The following DNM3 variants were observed in gnomAD, a reference collection of about 807,000 sequenced individuals.
DNM3 encodes dynamin 3.
In DNM3, 47 loss-of-function variants were observed where a neutral mutation model predicts 101.6. The observed-to-expected ratio is 0.46, with a 90% CI of 0.37 to 0.59. The LOEUF (loss-of-function observed/expected upper bound fraction) is 0.59, where lower values mean the gene tolerates loss of function less well. DNM3 is among the 20% of genes least tolerant of loss of function. The probability of loss-of-function intolerance (pLI) is 0.00; values close to 1 mark genes in which losing one functional copy is unlikely to be tolerated. For missense variants in DNM3, 849 were observed against 1,085.7 expected (o/e 0.78, Z 3.06); for synonymous variants, 385 against 387.9 (o/e 0.99, Z 0.09).
chr1:172,092,936 T>C (rs2054011333), intron 13 of DNM3, 61 bp downstream of exon 13: 1 of 1,421,176 alleles, frequency 7.0e-7, no homozygotes, highest in Non-Finnish European at 9.5e-7. Context: ...CTAAATCGCT[T>C]GATTGACTAT....
chr1:172,084,986 C>T (rs892123179), intron 12 of DNM3, among the ~76,000 whole-genome samples: 3 of 152,008 alleles, frequency 2.0e-5, no homozygotes, highest in Non-Finnish European at 4.4e-5. Context: ...ATTCTTCTTT[C>T]TGTTATAGAA....
At chr1:172,289,845 T>A in intron 15 of DNM3, 1 of 981,872 alleles carries the variant, frequency 1.0e-6, no homozygotes, top group Non-Finnish European at 1.2e-6. Context: ...GGTTTTGTTG[T>A]TCTTTCCTAT....
chr1:172,395,852 G>A (rs557457169), intron 20 of DNM3, among the ~76,000 whole-genome samples: 1 of 152,258 alleles, frequency 6.6e-6, no homozygotes, highest in East Asian at 1.9e-4. Context: ...CTGTTGGTGT[G>A]GCCAGTATTT....
intron 14 of DNM3, among the ~76,000 whole-genome samples, chr1:172,166,392 C>G (rs1372371863): frequency 6.6e-6 from 1 of 152,022 alleles, no homozygotes; most frequent in Non-Finnish European, 1.5e-5. Context: ...TACCTCACGA[C>G]ATAAGTTTTA....
At chr1:172,315,403 G>A (rs945540034) in intron 16 of DNM3, among the ~76,000 whole-genome samples, 1 of 152,240 alleles carries the variant, frequency 6.6e-6, no homozygotes, top group African/African-American at 2.4e-5. Context: ...ACTTTGACGA[G>A]TTGAGAGAAG....
At chr1:172,093,185 T>G (rs1416793059) in intron 13 of DNM3, among the ~76,000 whole-genome samples, 3 of 152,166 alleles carry the variant, frequency 2.0e-5, no homozygotes, top group South Asian at 4.1e-4. Flanking sequence ...AACATTGAGT[T>G]TGTGAGTCAG....
intron 14 of DNM3, among the ~76,000 whole-genome samples, chr1:172,192,073 A>G (rs1382971681): frequency 6.6e-6 from 1 of 152,148 alleles, no homozygotes; most frequent in Non-Finnish European, 1.5e-5. Flanking sequence ...GTCTTGTGCC[A>G]GTTTTCAAAA....
At chr1:172,113,148 A>G (rs2055608306) in intron 13 of DNM3, among the ~76,000 whole-genome samples, 1 of 152,224 alleles carries the variant, frequency 6.6e-6, no homozygotes, top group African/African-American at 2.4e-5. Context: ...TCTTGATGAG[A>G]TAAGAAAGTC....
At chr1:172,068,612 T>C (rs1282142157) in intron 10 of DNM3, among the ~76,000 whole-genome samples, 1 of 152,182 alleles carries the variant, frequency 6.6e-6, no homozygotes, top group Admixed American at 6.5e-5. Context: ...TTGAAGTGTT[T>C]CCTCAACATA....
At chr1:172,195,078 A>AT (rs2059899054) in intron 14 of DNM3, among the ~76,000 whole-genome samples, 1 of 152,054 alleles carries the variant, frequency 6.6e-6, no homozygotes, top group Non-Finnish European at 1.5e-5. Flanking sequence ...ATCTCTGAGC[A>AT]TTTGTTTGTC....
chr1:171,876,499 C>G (rs538501237), intron 1 of DNM3, among the ~76,000 whole-genome samples: 1 of 152,222 alleles, frequency 6.6e-6, no homozygotes, highest in Admixed American at 6.5e-5. Context: ...CATCTCTTCT[C>G]TTCTGACTCA....
chr1:172,283,250 T>C (rs984876179), intron 15 of DNM3, among the ~76,000 whole-genome samples: 4 of 152,142 alleles, frequency 2.6e-5, no homozygotes, highest in Non-Finnish European at 5.9e-5. Context: ...TAGCCTCATC[T>C]CTCTTCTCTT....
intron 4 of DNM3, among the ~76,000 whole-genome samples, chr1:172,022,470 A>G (rs1377933280): frequency 6.6e-6 from 1 of 152,210 alleles, no homozygotes; most frequent in Non-Finnish European, 1.5e-5. Context: ...CCATTTTGGT[A>G]TATCACTAAG....
Position 172,210,264 on chromosome 1 carries a change from C to A in DNM3, c.1660-43309C>A, listed in dbSNP as rs182157488. 8.5e-4 allele frequency among the ~76,000 whole-genome samples: 124 copies of A among 145,784 alleles called. 1 individual carries two copies. The highest frequency in any genetic ancestry group is 3.0e-3 in the African/African-American group (119 of 40,120). ...AAGTTACTGATTTTTGCAAACAATT[C>A]TCTTATAAATGACATCAAATATATA... On this transcript the variant is annotated intron_variant, in intron 14 of 20. Coordinates refer to ENST00000627582, the MANE Select transcript of DNM3 (RefSeq NM_015569.5).
chr1:172,289,538 A>C (rs1183137054), intron 15 of DNM3: 2 of 933,644 alleles, frequency 2.1e-6, no homozygotes, highest in African/African-American at 3.6e-5. Context: ...GAAACTCCTA[A>C]ATGTAACAAT....
intron 16 of DNM3, 22 bp downstream of exon 16, chr1:172,308,861 T>A: frequency 1.1e-5 from 15 of 1,418,400 alleles, no homozygotes; most frequent in Non-Finnish European, 1.5e-5. Context: ...ATATCTCTTA[T>A]GTAAAAATTA....
In DNM3 at chr1:172,273,444, A is replaced by G. The variant is rs540756909; in HGVS notation, c.1769+19762A>G. 3.3e-5 allele frequency among the ~76,000 whole-genome samples: 5 copies of G among 152,252 alleles called. No individual in the cohort carries two copies. The East Asian group carries it at 9.6e-4, about 29-fold the overall frequency. On this transcript the variant is annotated intron_variant, in intron 15 of 20. Coordinates refer to ENST00000627582, the MANE Select transcript of DNM3 (RefSeq NM_015569.5). ...CAAGTTTTGTAAATTAAAGCATTGC[A>G]AAACAAGACAAAAAGATATACTTAC...
intron 14 of DNM3, among the ~76,000 whole-genome samples, chr1:172,148,480 A>G (rs1280935915): frequency 1.3e-5 from 2 of 152,142 alleles, no homozygotes; most frequent in East Asian, 3.9e-4. Context: ...ATATTTATAT[A>G]TGTGTCTGCA....
intron 4 of DNM3, among the ~76,000 whole-genome samples, chr1:171,992,623 CT>C (rs1571990836): frequency 6.6e-6 from 1 of 152,062 alleles, no homozygotes; most frequent in African/African-American, 2.4e-5. Context: ...ATTAGAACTG[CT>C]GCTCCACCAT....
Sources: gnomAD v4.1 joint callset for allele counts (sites outside exome capture counted in the v4.1 genomes callset) on GRCh38, gnomAD v4.1.1 for gene constraint, MANE v1.5 for transcripts, NCBI Gene and HGNC (gene_info 2026-07-23, HGNC 2026-07-21) for gene names.